ANAPC10: variants seen among roughly 807,000 people sequenced by gnomAD.
ANAPC10 encodes anaphase promoting complex subunit 10.
In ANAPC10, 12 loss-of-function variants were observed where a neutral mutation model predicts 22.0. The observed-to-expected ratio is 0.55, with a 90% confidence interval of 0.35 to 0.88. ANAPC10 has a LOEUF of 0.88. Among genes scored for constraint, ANAPC10 ranks in the 40% least tolerant of loss-of-function variants. The pLI, the probability that ANAPC10 is intolerant of heterozygous loss-of-function variation, is 0.01. For missense variants in ANAPC10, 188 were observed against 220.9 expected (o/e 0.85, Z 0.94); for synonymous variants, 65 against 69.5 (o/e 0.94, Z 0.32).
At position 145,090,990 on chromosome 4, in the gene ANAPC10, T is replaced by C. The variant is rs139762963; in HGVS notation, c.115+4995A>G. 4.4e-3 allele frequency among the ~76,000 whole-genome samples: 668 copies of C among 152,354 alleles called. 3 individuals are homozygous for C. Among genetic ancestry groups the C allele is most frequent in the African/African-American group, 0.015 (613 of 41,590 alleles). On this transcript the variant is annotated intron_variant, in intron 2 of 4. Coordinates refer to ENST00000507656, the MANE Select transcript of ANAPC10 (RefSeq NM_001256706.2). ...CAAAGATCGAGCAATCACTTTCTCA[T>C]GCAGTTTCCTGTTTATAAAGAGTAG... is the stretch of plus-strand genomic sequence containing the variant.
At chr4:145,054,848 G>T (rs764921179) in intron 4 of ANAPC10, among the ~76,000 whole-genome samples, 1 of 151,744 alleles carries the variant, frequency 6.6e-6, no homozygotes, top group Admixed American at 6.6e-5. Flanking sequence ...ATCTACCCTC[G>T]CATCTATTTT....
chr4:145,090,568 T>A (rs554249134), intron 2 of ANAPC10, among the ~76,000 whole-genome samples: 1 of 152,368 alleles, frequency 6.6e-6, no homozygotes, highest in Non-Finnish European at 1.5e-5. Flanking sequence ...AGCACTATTG[T>A]GTAATGGAGT....
chr4:145,058,691 T>C (rs1310093587), intron 4 of ANAPC10, among the ~76,000 whole-genome samples: 2 of 152,148 alleles, frequency 1.3e-5, no homozygotes, highest in African/African-American at 4.8e-5. Flanking sequence ...AAGATACAAT[T>C]AAGTTTCTAA....
At chr4:145,061,099 T>C (rs1325238137) in intron 4 of ANAPC10, among the ~76,000 whole-genome samples, 2 of 152,132 alleles carry the variant, frequency 1.3e-5, no homozygotes, top group Non-Finnish European at 2.9e-5. Flanking sequence ...CATTATCACC[T>C]GATAATATTT....
chr4:145,080,979 C>T (rs1027042310), intron 3 of ANAPC10, among the ~76,000 whole-genome samples: 43 of 149,820 alleles, frequency 2.9e-4, no homozygotes, highest in African/African-American at 1.0e-3. Flanking sequence ...CCAACTATGT[C>T]AATAAATTCA....
At position 144,995,422 on chromosome 4, in the gene ANAPC10, A is replaced by T; in HGVS notation, c.509T>A (p.Phe170Tyr). The part of the protein sequence containing the change: ...TPVEESSIGK[F>Y]PRCTTIDFMM... ...GAAATCTATAGTTGTACATCTAGGA[A>T]ATTTACCAATGGAGCTCTCTTCTAC... The change falls in exon 5 of 5, where the codon TTT (phenylalanine) becomes TAT (tyrosine). Residue 170 changes from phenylalanine to tyrosine, a missense_variant. Phe to Tyr is a conservative substitution (Grantham distance 22). Transcript: ENST00000507656. 1 of 1,613,680 alleles carries T rather than the reference A, an allele frequency of 6.2e-7. No individual in the cohort carries two copies.
chr4:145,017,383 T>C (rs2126964045), intron 4 of ANAPC10, among the ~76,000 whole-genome samples: 1 of 152,304 alleles, frequency 6.6e-6, no homozygotes, highest in East Asian at 1.9e-4. Flanking sequence ...TCATCATCAC[T>C]GGTCATCAGA....
chr4:145,041,398 AATG>A (rs762758735), intron 4 of ANAPC10, among the ~76,000 whole-genome samples: 1 of 152,234 alleles, frequency 6.6e-6, no homozygotes, highest in African/African-American at 2.4e-5. Context: ...TGTTTCCAAA[AATG>A]ATAATCATTG....
intron 4 of ANAPC10, among the ~76,000 whole-genome samples, chr4:145,001,729 T>C (rs552808474): frequency 6.6e-6 from 1 of 152,292 alleles, no homozygotes; most frequent in South Asian, 2.1e-4. Flanking sequence ...TACAGTGGTG[T>C]AAACAGGATC....
At chr4:145,077,101 A>T (rs1002326831) in intron 3 of ANAPC10, among the ~76,000 whole-genome samples, 4 of 152,192 alleles carry the variant, frequency 2.6e-5, no homozygotes, top group African/African-American at 9.6e-5. Flanking sequence ...CAGGAGGCTG[A>T]GGCAGGAGAA....
chr4:145,061,499 C>T (rs190647336), intron 4 of ANAPC10, among the ~76,000 whole-genome samples: 2 of 152,192 alleles, frequency 1.3e-5, no homozygotes, highest in African/African-American at 2.4e-5. Context: ...TACAAATAGG[C>T]TACGAAACTA....
intron 3 of ANAPC10, among the ~76,000 whole-genome samples, chr4:145,076,553 C>A (rs1745225895): frequency 6.6e-6 from 1 of 152,188 alleles, no homozygotes; most frequent in Non-Finnish European, 1.5e-5. Context: ...CTTCTTACAT[C>A]CAAATGAGCA....
At chr4:145,066,645 T>C (rs949701847) in intron 3 of ANAPC10, among the ~76,000 whole-genome samples, 1 of 152,114 alleles carries the variant, frequency 6.6e-6, no homozygotes, top group African/African-American at 2.4e-5. Context: ...ACACTAATGA[T>C]AATAAACACA....
chr4:145,034,859 T>C (rs1311474380), intron 4 of ANAPC10, among the ~76,000 whole-genome samples: 2 of 151,988 alleles, frequency 1.3e-5, no homozygotes, highest in East Asian at 1.9e-4. Flanking sequence ...TGCTTTAGTG[T>C]CCCTGTTGTG....
chr4:145,059,472 G>C (rs1742556194), intron 4 of ANAPC10, among the ~76,000 whole-genome samples: 1 of 152,022 alleles, frequency 6.6e-6, no homozygotes, highest in Non-Finnish European at 1.5e-5. Context: ...CAAAAACAGA[G>C]CTTAAAATTC....
At chr4:145,020,546 C>T (rs1735823554) in intron 4 of ANAPC10, among the ~76,000 whole-genome samples, 1 of 152,160 alleles carries the variant, frequency 6.6e-6, no homozygotes, top group South Asian at 2.1e-4. Context: ...ACTCTCACCA[C>T]TCGTCTTCAA....
At chr4:145,045,447 AAAATATGAGT>A (rs1318535225) in intron 4 of ANAPC10, among the ~76,000 whole-genome samples, 1 of 152,102 alleles carries the variant, frequency 6.6e-6, no homozygotes, top group African/African-American at 2.4e-5. Context: ...CGGCCTAAAA[AAAATATGAGT>A]AAATTCCCTG....
chr4:145,070,920 A>G (rs1488398200), intron 3 of ANAPC10, among the ~76,000 whole-genome samples: 1 of 152,236 alleles, frequency 6.6e-6, no homozygotes, highest in Non-Finnish European at 1.5e-5. Context: ...AATTCCACTT[A>G]TATCAGGTCC....
chr4:145,052,257 C>G (rs557417544), intron 4 of ANAPC10, among the ~76,000 whole-genome samples: 1 of 151,978 alleles, frequency 6.6e-6, no homozygotes, highest in East Asian at 1.9e-4. Context: ...CAGATTTAAG[C>G]GTTCACACCA....
Sources: allele counts gnomAD v4.1 joint callset (sites outside exome capture counted in the v4.1 genomes callset), GRCh38; gene constraint gnomAD v4.1.1; transcripts MANE v1.5; gene names NCBI Gene and HGNC (gene_info 2026-07-23, HGNC 2026-07-21).